Variants in MCF2L observed in about 807,000 individuals in gnomAD.
MCF2L encodes MCF.2 cell line derived transforming sequence like.
A neutral mutation model predicts 153.4 loss-of-function variants in MCF2L; 97 were observed. The ratio of observed to expected loss-of-function variants is 0.63; its 90% CI spans 0.54 to 0.75. MCF2L has a LOEUF of 0.75. MCF2L is among the 30% of genes least tolerant of loss of function. The pLI is 0.00. For missense variants in MCF2L, 1,347 were observed against 1,495.2 expected, an observed-to-expected ratio of 0.90 and a Z score of 1.64; for synonymous variants, 659 against 632.2, an observed-to-expected ratio of 1.04 and a Z score of -0.64.
At chr13:112,984,840 G>A (rs1339099456) in intron 1 of MCF2L, among the ~76,000 whole-genome samples, 18 of 152,180 alleles carry the variant, frequency 1.2e-4, no homozygotes, top group Admixed American at 1.2e-3. Flanking sequence ...TCTCTGTGCA[G>A]CTCATCCTCC....
chr13:113,065,093 G>A lies in MCF2L; in HGVS notation c.756+8G>A. The A allele has an allele frequency of 6.2e-7, 1 of 1,610,838 alleles. No homozygotes were observed. Among genetic ancestry groups the A allele is most frequent in the Non-Finnish European group, 8.5e-7 (1 of 1,179,272 alleles). ...AAGAAGGACAAGGCGAAGGTACATG[G>A]GGGGTGCTCCGGCTGGAAGCTGTGG... On this transcript the variant is annotated splice_region_variant and intron_variant, in intron 7 of 29. Transcript: ENST00000535094.
Position 113,087,285 on chromosome 13 carries a change from C to G in MCF2L, c.2424C>G (p.Val808=). The G allele has an allele frequency of 6.2e-7, 1 of 1,613,074 alleles. No homozygotes were observed. Among genetic ancestry groups the G allele is most frequent in the Non-Finnish European group, 8.5e-7 (1 of 1,180,038 alleles). Residue 808 remains valine (V), a synonymous_variant, in exon 22 of 30, where the codon GTC becomes GTG. Coordinates refer to ENST00000535094, the MANE Select transcript of MCF2L (RefSeq NM_001112732.3). ...GKLLMQGSFS[V]WTDHKRGHTK... ...TGCTGATGCAGGGCTCGTTCAGCGT[C>G]TGGACCGACCACAAGAGGGGCCACA...
At position 113,045,074 on chromosome 13, in the gene MCF2L, C is replaced by A; in HGVS notation, c.279-197C>A. Reference sequence around the variant, plus strand: ...GAACACACCAAAAGTGCCTGCCCTTCCGTAGATGAGAGCAGGTTCTGGGAC... The same window carrying A: ...GAACACACCAAAAGTGCCTGCCCTTACGTAGATGAGAGCAGGTTCTGGGAC... On this transcript the variant is annotated intron_variant, in intron 3 of 29. Transcript: ENST00000535094. The surrounding 1 kb of genome is among the most constrained non-coding windows in gnomAD (Gnocchi z 4.2). 1.0e-6 allele frequency: 1 copy of A among 979,952 alleles called. No individual in the cohort carries two copies. The highest frequency in any genetic ancestry group is 1.5e-6 in the Non-Finnish European group (1 of 655,650). 60.7% of individuals were successfully genotyped at this position (979,952 alleles called of 1,614,324 possible).
chr13:113,003,923 G>A (rs1359169541), intron 1 of MCF2L, among the ~76,000 whole-genome samples: 1 of 152,252 alleles, frequency 6.6e-6, no homozygotes, highest in Non-Finnish European at 1.5e-5. Flanking sequence ...CGGGCCCAGA[G>A]GGTGCCAGTT....
chr13:113,025,800 G>C (rs1357231050), intron 3 of MCF2L, among the ~76,000 whole-genome samples: 17 of 145,724 alleles, frequency 1.2e-4, no homozygotes, highest in African/African-American at 3.7e-4. Flanking sequence ...CCCTGTCATG[G>C]GGTCCCCGTG....
chr13:112,955,817 C>A (rs2081750338), intron 2 of MCF2L, among the ~76,000 whole-genome samples: 1 of 152,140 alleles, frequency 6.6e-6, no homozygotes, highest in Non-Finnish European at 1.5e-5. Context: ...AATGTGGGTG[C>A]CTTTAAAATA....
intron 1 of MCF2L, among the ~76,000 whole-genome samples, chr13:112,895,137 T>C (rs2081054129): frequency 6.6e-6 from 1 of 152,166 alleles, no homozygotes; most frequent in South Asian, 2.1e-4. Flanking sequence ...CCTCTGTGGC[T>C]CTTCTCCCAG....
intron 1 of MCF2L, among the ~76,000 whole-genome samples, chr13:112,974,289 A>G (rs1201799361): frequency 6.6e-6 from 1 of 152,098 alleles, no homozygotes; most frequent in Non-Finnish European, 1.5e-5. Flanking sequence ...TGAGTCTGCA[A>G]AGCCCCTTGC....
intron 1 of MCF2L, among the ~76,000 whole-genome samples, chr13:112,970,370 A>C (rs1424697955): frequency 6.6e-6 from 1 of 152,146 alleles, no homozygotes; most frequent in African/African-American, 2.4e-5. Flanking sequence ...CCAGTGATTA[A>C]ATCAGCATAA....
At chr13:112,923,714 T>C (rs1406397121) in intron 2 of MCF2L, among the ~76,000 whole-genome samples, 2 of 152,204 alleles carry the variant, frequency 1.3e-5, no homozygotes, top group Non-Finnish European at 2.9e-5. Context: ...CACACTCTTC[T>C]CTAATCACTG....
At chr13:113,065,696 G>A (rs1450686321) in intron 7 of MCF2L, among the ~76,000 whole-genome samples, 2 of 152,368 alleles carry the variant, frequency 1.3e-5, no homozygotes, top group African/African-American at 2.4e-5. Context: ...GTGTGTCCCC[G>A]AGGACTGTGC....
At chr13:112,957,439 C>T (rs948345366) in intron 2 of MCF2L, 3 of 151,990 alleles carry the variant, frequency 2.0e-5, no homozygotes, top group Non-Finnish European at 2.9e-5. Context: ...GATCTTACTG[C>T]CCTAGTTTAA....
intron 1 of MCF2L, among the ~76,000 whole-genome samples, chr13:113,002,296 G>A (rs1262824887): frequency 6.6e-6 from 1 of 152,244 alleles, no homozygotes; most frequent in African/African-American, 2.4e-5. Flanking sequence ...GTCTGTGCTG[G>A]TCCCAGAAGG....
chr13:112,920,893 C>T (rs1006206885), intron 2 of MCF2L, among the ~76,000 whole-genome samples: 14 of 151,986 alleles, frequency 9.2e-5, no homozygotes, highest in African/African-American at 2.4e-4. Context: ...CATGGCCAGG[C>T]GCGGTGGCTC....
rs568916797 is a variant in MCF2L at position 112,933,513 on chromosome 13, A to G, written c.169+31142A>G. On this transcript the variant is annotated intron_variant, in intron 2 of 29. Coordinates refer to the MCF2L transcript ENST00000375608. ...GTGCGCTGATGGAGGAGAACAGGAGAGGCCCCAGGACAGCCCTGGCCCTGC... is the reference window on the plus strand; with the variant it reads ...GTGCGCTGATGGAGGAGAACAGGAGGGGCCCCAGGACAGCCCTGGCCCTGC... Among the ~76,000 whole-genome samples the G allele has an allele frequency of 3.3e-5, 5 of 152,350 alleles. No homozygotes were observed. In the South Asian group the frequency reaches 1.0e-3, roughly 32 times the overall value.
Position 113,074,567 on chromosome 13 carries a change from A to C in MCF2L, c.1116+4A>C. ...CAGCTTCGAGGAGAAATCAGGCGTA[A>C]GGCGGGGTCCCGGCGGGGGCGGCGG... On this transcript the variant is annotated splice_donor_region_variant and intron_variant, in intron 10 of 29. Transcript: ENST00000535094. The surrounding 1 kb of genome is among the most constrained non-coding windows in gnomAD (Gnocchi z 4.2). 6.2e-7 allele frequency: 1 copy of C among 1,613,020 alleles called. No homozygotes were observed. The highest frequency in any genetic ancestry group is 2.2e-5 in the East Asian group (1 of 44,852).
At chr13:113,055,263 G>A (rs949467135) in intron 4 of MCF2L, among the ~76,000 whole-genome samples, 2 of 151,850 alleles carry the variant, frequency 1.3e-5, no homozygotes, top group African/African-American at 4.8e-5. Flanking sequence ...AGGAAGAGGG[G>A]GTCATGTTTG....
At chr13:112,997,018 C>CCACAG (rs1298594553) in intron 1 of MCF2L, among the ~76,000 whole-genome samples, 1 of 152,254 alleles carries the variant, frequency 6.6e-6, no homozygotes, top group African/African-American at 2.4e-5. Context: ...TAGGCGGGTG[C>CCACAG]TGCTGCCAGC....
chr13:113,001,848 T>C, intron 1 of MCF2L: 2 of 1,528,660 alleles, frequency 1.3e-6, no homozygotes, highest in East Asian at 2.5e-5. Flanking sequence ...GCGCCATCCT[T>C]TGTGTGCCCG....
Sources: gnomAD v4.1 joint callset for allele counts (sites outside exome capture counted in the v4.1 genomes callset) on GRCh38, gnomAD v4.1.1 for gene constraint, Gnocchi (gnomAD v3.1) non-coding constraint, MANE v1.5 for transcripts, NCBI Gene and HGNC (gene_info 2026-07-23, HGNC 2026-07-21) for gene names.